UNC79: variants seen among roughly 807,000 people sequenced by gnomAD.
UNC79 encodes the protein protein unc-79 homolog.
A neutral mutation model predicts 283.1 loss-of-function variants in UNC79; 37 were observed. The ratio of observed to expected loss-of-function variants is 0.13; its 90% CI spans 0.10 to 0.17. The LOEUF is 0.17. Ranked by LOEUF, UNC79 falls within the 10% of genes least tolerant of loss-of-function variation. The probability of loss-of-function intolerance (pLI) is 1.00; values close to 1 mark genes in which losing one functional copy is unlikely to be tolerated. For missense variants in UNC79, 2,272 were observed against 3,211.1 expected, an observed-to-expected ratio of 0.71 and a Z score of 7.07; for synonymous variants, 1,107 against 1,200.2, an observed-to-expected ratio of 0.92 and a Z score of 1.61.
At chr14:93,367,808 T>G (rs2054365547) in intron 1 of UNC79, among the ~76,000 whole-genome samples, 1 of 152,210 alleles carries the variant, frequency 6.6e-6, no homozygotes, top group Non-Finnish European at 1.5e-5. Flanking sequence ...TCTCTTCATC[T>G]CTGACTTGAG....
intron 47 of UNC79, among the ~76,000 whole-genome samples, chr14:93,699,998 T>C (rs2075408995): frequency 6.6e-6 from 1 of 152,094 alleles, no homozygotes; most frequent in African/African-American, 2.4e-5. Context: ...TTGTATGTTT[T>C]AGAAGCTTTA....
At chr14:93,538,510 A>G (rs1195794590) in intron 12 of UNC79, among the ~76,000 whole-genome samples, 2 of 152,180 alleles carry the variant, frequency 1.3e-5, no homozygotes, top group Non-Finnish European at 2.9e-5. Context: ...TAAGCACGTC[A>G]TTGTGGTACG....
At chr14:93,695,784 C>T (rs192642938) in intron 47 of UNC79, among the ~76,000 whole-genome samples, 6 of 149,494 alleles carry the variant, frequency 4.0e-5, no homozygotes, top group African/African-American at 9.9e-5. Context: ...CCCAGCTACA[C>T]GGGAGGCTGA....
At chr14:93,563,794 G>A (rs1221712282) in intron 14 of UNC79, among the ~76,000 whole-genome samples, 1 of 152,142 alleles carries the variant, frequency 6.6e-6, no homozygotes, top group Non-Finnish European at 1.5e-5. Flanking sequence ...TAATGTGGGA[G>A]CCCGGATTGA....
chr14:93,673,280 C>A, intron 40 of UNC79, 71 bp from the exon 44 acceptor site: 2 of 1,359,256 alleles, frequency 1.5e-6, no homozygotes, highest in South Asian at 1.4e-5. Context: ...TTTTTGGAAG[C>A]TCTTTTGACA....
exon 19 of UNC79, chr14:93,580,310 C>T: frequency 6.2e-7 from 1 of 1,614,224 alleles, no homozygotes; most frequent in Non-Finnish European, 8.5e-7. Context: ...AGTCTAGTAT[C>T]CTCTGCTATC....
At chr14:93,653,295 T>C (rs2070510493) in intron 35 of UNC79, among the ~76,000 whole-genome samples, 1 of 150,330 alleles carries the variant, frequency 6.7e-6, no homozygotes, top group South Asian at 2.1e-4. Context: ...CCACATCTCC[T>C]AATGAGAATG....
exon 18 of UNC79, chr14:93,578,054 C>A: frequency 6.2e-7 from 1 of 1,614,070 alleles, no homozygotes; most frequent in Non-Finnish European, 8.5e-7. Flanking sequence ...TTGATCTTCT[C>A]CTGAAGCAGG....
intron 27 of UNC79, among the ~76,000 whole-genome samples, chr14:93,613,420 C>A (rs1175940553): frequency 7.0e-6 from 1 of 142,918 alleles, no homozygotes; most frequent in Non-Finnish European, 1.5e-5. Context: ...TATTTGGTTT[C>A]TTTTTTTTTT....
intron 27 of UNC79, among the ~76,000 whole-genome samples, chr14:93,615,055 A>G (rs1315684327): frequency 6.6e-6 from 1 of 152,190 alleles, no homozygotes; most frequent in African/African-American, 2.4e-5. Flanking sequence ...AGATGTGGAT[A>G]TGAATTTCAG....
intron 14 of UNC79, among the ~76,000 whole-genome samples, chr14:93,556,029 G>A (rs1157982088): frequency 3.9e-5 from 6 of 152,112 alleles, no homozygotes; most frequent in Non-Finnish European, 8.8e-5. Context: ...TAGTAGGTGG[G>A]CACAGCTGGA....
chr14:93,448,745 T>C (rs1355873108), intron 1 of UNC79, among the ~76,000 whole-genome samples: 3 of 152,204 alleles, frequency 2.0e-5, no homozygotes, highest in African/African-American at 7.2e-5. Context: ...TTCAGATCTT[T>C]TGTCTTTAGC....
chr14:93,497,945 C>T (rs527355035), intron 7 of UNC79, among the ~76,000 whole-genome samples: 106 of 152,006 alleles, frequency 7.0e-4, no homozygotes, highest in African/African-American at 2.5e-3. Context: ...AAGATCGCAC[C>T]ACTGCTCTCC....
intron 39 of UNC79, among the ~76,000 whole-genome samples, chr14:93,660,309 A>G (rs1451074018): frequency 6.6e-6 from 1 of 151,932 alleles, no homozygotes; most frequent in Non-Finnish European, 1.5e-5. Flanking sequence ...CTTGGCCAAG[A>G]TCACATAGCT....
At chr14:93,391,681 G>A (rs2140008380) in intron 1 of UNC79, among the ~76,000 whole-genome samples, 1 of 152,034 alleles carries the variant, frequency 6.6e-6, no homozygotes, top group African/African-American at 2.4e-5. Flanking sequence ...CTCCCACCTG[G>A]GCCTCCCAAA....
At chr14:93,455,912 TTG>T (rs10654684) in intron 1 of UNC79, among the ~76,000 whole-genome samples, 6,286 of 143,604 alleles carry the variant, frequency 0.044, 109 homozygotes, top group Non-Finnish European at 0.055. Context: ...GTACAATGGA[TTG>T]TGTGTGTGTG....
At position 93,371,508 on chromosome 14, in the gene UNC79, C is replaced by G. The variant is rs555087071; in HGVS notation, c.-351+37985C>G. Among the ~76,000 whole-genome samples the G allele has an allele frequency of 7.2e-5, 11 of 152,056 alleles. No homozygotes were observed. The South Asian group carries it at 2.3e-3, about 32-fold the overall frequency. ...CGCAGAAAAAAATTCCTGAAGGAAA[C>G]CAGTGGGGAAAAAAACTTCTTACCT... On this transcript the variant is annotated intron_variant, in intron 1 of 49. Transcript: ENST00000256339.
At chr14:93,578,051 TCTC>T in exon 18 of UNC79, 1 of 1,614,146 alleles carries the variant, frequency 6.2e-7, no homozygotes, top group Non-Finnish European at 8.5e-7. Flanking sequence ...TGTTTGATCT[TCTC>T]CTGAAGCAGG....
At position 93,333,571 on chromosome 14, in the gene UNC79, T is replaced by A. The variant is rs142652471; in HGVS notation, c.-351+48T>A. On this transcript the variant is annotated intron_variant, in intron 1 of 49. Coordinates refer to the UNC79 transcript ENST00000256339. ...CTTTTACAGGCACCACCTTGCTACT[T>A]GTGTAGTAGGTTAAAAAATAATCTT... The A allele has an allele frequency of 9.0e-4, 356 of 396,468 alleles. 4 individuals carry two copies. Among genetic ancestry groups the A allele is most frequent in the African/African-American group, 4.7e-3 (228 of 48,668 alleles). The allele number at this position is 396,468 out of a possible 1,614,324, so 24.6% of individuals were successfully genotyped here.
Sources: allele counts gnomAD v4.1 joint callset (sites outside exome capture counted in the v4.1 genomes callset), GRCh38; gene constraint gnomAD v4.1.1; transcripts MANE v1.5; gene names NCBI Gene and HGNC (gene_info 2026-07-23, HGNC 2026-07-21).